The following GALNT8 variants were observed in gnomAD, a reference collection of about 807,000 sequenced individuals.
The protein encoded by GALNT8 is probable polypeptide N-acetylgalactosaminyltransferase 8.
Under a neutral mutation model 62.7 loss-of-function variants are expected in GALNT8, and 66 were observed. The ratio of observed to expected loss-of-function variants is 1.05; its 90% CI spans 0.86 to 1.29. The LOEUF (loss-of-function observed/expected upper bound fraction) is 1.29. GALNT8 is among the 50% of genes most tolerant of loss of function. GALNT8 has a pLI of 0.00. For synonymous variants in GALNT8, 288 were observed against 294.3 expected (o/e 0.98, Z 0.22); for missense variants, 771 against 791.8 (o/e 0.97, Z 0.32).
At chr12:4,742,891 G>A (rs746088786) in intron 3 of GALNT8, among the ~76,000 whole-genome samples, 11 of 152,288 alleles carry the variant, frequency 7.2e-5, no homozygotes, top group Non-Finnish European at 1.3e-4. Context: ...AAAACCCGTC[G>A]AGGCGTCCTT....
rs1404699755 is a variant in GALNT8, at chr12:4,749,970, C to T, written c.1173+3712C>T. Among the ~76,000 whole-genome samples, 2 of 152,024 alleles carry T rather than the reference C, an allele frequency of 1.3e-5. No individual in the cohort carries two copies. Among genetic ancestry groups the T allele is most frequent in the African/African-American group, 4.8e-5 (2 of 41,408 alleles). Reference sequence around the variant, plus strand: ...GTTGGCATACAGTTGCTTATAGGAGCTGTTAGTGTTCCTTTAAATTTATGC... The same window carrying T: ...GTTGGCATACAGTTGCTTATAGGAGTTGTTAGTGTTCCTTTAAATTTATGC... On this transcript the variant is annotated intron_variant, in intron 6 of 10. Coordinates refer to ENST00000252318, the MANE Select transcript of GALNT8 (RefSeq NM_017417.2). The surrounding 1 kb of genome is among the most constrained non-coding windows in gnomAD (Gnocchi z 4.1).
At chr12:4,725,553 CTTTT>C (rs747460695) in intron 1 of GALNT8, among the ~76,000 whole-genome samples, 1 of 119,694 alleles carries the variant, frequency 8.4e-6, no homozygotes, top group African/African-American at 3.2e-5. Flanking sequence ...TGAAGACATT[CTTTT>C]TTTTTTTTTT....
Position 4,720,794 on chromosome 12 carries a change from T to C in GALNT8, c.117T>C (p.Gly39=). 1 of 1,611,560 alleles carries C rather than the reference T, an allele frequency of 6.2e-7. No individual in the cohort carries two copies. The highest frequency in any genetic ancestry group is 8.5e-7 in the Non-Finnish European group (1 of 1,177,726). The part of the protein sequence containing the change: ...SKGTLQNLFT[G]GLHRELPLHL... ...GGACTTTACAAAACCTGTTTACGGG[T>C]GGTCTCCACAGGGAGCTTCCTTTAC... Residue 39 remains glycine (G), a synonymous_variant, in exon 1 of 11, where the codon GGT becomes GGC. Coordinates refer to ENST00000252318, the MANE Select transcript of GALNT8 (RefSeq NM_017417.2).
In GALNT8 at chr12:4,720,578, A is replaced by T. The variant is rs1946161426; in HGVS notation, c.-100A>T. ...GGAGACCAACTCAACTGGCACCTAG[A>T]ACTCTCTTTCCCACAAAAGCTAGGC... On this transcript the variant is annotated 5_prime_UTR_variant, in exon 1 of 11. Transcript: ENST00000252318. 3 of 823,726 alleles carry T rather than the reference A, an allele frequency of 3.6e-6. No homozygotes were observed. In the East Asian group the frequency reaches 7.4e-5, roughly 20 times the overall value. 51.0% of individuals were successfully genotyped at this position (823,726 alleles called of 1,614,324 possible).
chr12:4,729,244 A>T (rs1946210030), intron 2 of GALNT8, among the ~76,000 whole-genome samples: 1 of 152,200 alleles, frequency 6.6e-6, no homozygotes, highest in African/African-American at 2.4e-5. Flanking sequence ...ATCTAAATTA[A>T]CATATGCATT....
chr12:4,720,589 C>G lies in GALNT8; in HGVS notation c.-89C>G. 1.1e-6 allele frequency: 1 copy of G among 895,886 alleles called. No individual in the cohort carries two copies. The highest frequency in any genetic ancestry group is 1.9e-6 in the Non-Finnish European group (1 of 535,272). The allele number at this position is 895,886 out of a possible 1,614,324, so 55.5% of individuals were successfully genotyped here. A position where few individuals can be genotyped will look rare whatever the true frequency, so the allele number is the denominator to read the frequency against. ...CAACTGGCACCTAGAACTCTCTTTC[C>G]CACAAAAGCTAGGCTGGTTCTGATT... On this transcript the variant is annotated 5_prime_UTR_variant, in exon 1 of 11. Coordinates refer to ENST00000252318, the MANE Select transcript of GALNT8 (RefSeq NM_017417.2).
intron 2 of GALNT8, among the ~76,000 whole-genome samples, chr12:4,729,741 T>C (rs1295258199): frequency 2.0e-5 from 3 of 152,194 alleles, no homozygotes; most frequent in Non-Finnish European, 2.9e-5. Flanking sequence ...TGTGGAGATA[T>C]ACCCAGTATA....
At chr12:4,767,216 T>G (rs1002307325) in intron 10 of GALNT8, among the ~76,000 whole-genome samples, 4 of 152,126 alleles carry the variant, frequency 2.6e-5, no homozygotes, top group African/African-American at 7.2e-5. Flanking sequence ...TTCCTCTAAT[T>G]GCTCTCAGGG....
intron 10 of GALNT8, among the ~76,000 whole-genome samples, chr12:4,768,145 G>A (rs1252324438): frequency 6.6e-6 from 1 of 152,104 alleles, no homozygotes; most frequent in Non-Finnish European, 1.5e-5. Context: ...TATAAAGTCA[G>A]TAAAATTTCA....
chr12:4,726,866 G>C lies in GALNT8; in HGVS notation c.509+37G>C. On this transcript the variant is annotated intron_variant, in intron 2 of 10. Transcript: ENST00000252318. The surrounding 1 kb of genome is among the most constrained non-coding windows in gnomAD (Gnocchi z 4.1). ...CAGGCTTGGGCTTCTAGGGTCCTCA[G>C]TTTGATTTGAGGATGAGCTTTGGGA... 1.3e-6 allele frequency: 2 copies of C among 1,545,262 alleles called. No homozygotes were observed. The highest frequency in any genetic ancestry group is 1.8e-5 in the Admixed American group (1 of 54,818).
At chr12:4,764,566 CAG>C (rs1349441693) in intron 9 of GALNT8, among the ~76,000 whole-genome samples, 4 of 106,714 alleles carry the variant, frequency 3.7e-5, no homozygotes, top group African/African-American at 1.5e-4. Flanking sequence ...TTTTTTGAGA[CAG>C]AGTCTCGATC....
chr12:4,722,164 C>A (rs1946173842), intron 1 of GALNT8, among the ~76,000 whole-genome samples: 1 of 152,164 alleles, frequency 6.6e-6, no homozygotes, highest in Non-Finnish European at 1.5e-5. Context: ...TCTACACAGA[C>A]ACAGTAACAA....
intron 10 of GALNT8, among the ~76,000 whole-genome samples, chr12:4,767,583 G>A (rs1009434601): frequency 1.6e-4 from 25 of 152,194 alleles, no homozygotes; most frequent in African/African-American, 6.0e-4. Flanking sequence ...AGCAAGGGGA[G>A]GACTTACTAA....
intron 2 of GALNT8, among the ~76,000 whole-genome samples, chr12:4,734,207 G>A (rs955789509): frequency 3.3e-5 from 5 of 152,234 alleles, no homozygotes; most frequent in Admixed American, 1.3e-4. Context: ...TTATAAATAA[G>A]GAAAGGAAGA....
At position 4,765,349 on chromosome 12, in the gene GALNT8, C is replaced by G. The variant is rs111307035; in HGVS notation, c.1594-30C>G. 1.2e-3 allele frequency: 1,690 copies of G among 1,450,246 alleles called. 19 individuals are homozygous for G. The African/African-American group carries it at 0.024, about 21-fold the overall frequency. 89.8% of individuals were successfully genotyped at this position (1,450,246 alleles called of 1,614,324 possible). A position where few individuals can be genotyped will look rare whatever the true frequency, so the allele number is the denominator to read the frequency against. On this transcript the variant is annotated intron_variant, in intron 9 of 10. Transcript: ENST00000252318. The stretch of plus-strand genomic sequence containing the variant: ...GCTGACAATGCCTATGGTGAGCCCT[C>G]TGCTTTTTTTTTTTTTTTTTTTTTT...
Position 4,739,327 on chromosome 12 carries a change from A to G in GALNT8, c.674A>G (p.Asn225Ser), listed in dbSNP as rs1946260496. 2 of 1,611,466 alleles carry G rather than the reference A, an allele frequency of 1.2e-6. No individual in the cohort carries two copies. Among genetic ancestry groups the G allele is most frequent in the Non-Finnish European group, 8.5e-7 (1 of 1,178,214 alleles). The change falls in exon 3 of 11, where the codon AAT becomes AGT. Residue 225 changes from asparagine (N) to serine (S), a missense_variant and splice_region_variant. Physicochemically the swap from Asn to Ser is conservative, Grantham distance 46. Transcript: ENST00000252318. ...EIILVDDFSS[N>S]GELKVHLDEK... Reference sequence around the variant, plus strand: ...ATCTTGGTGGATGATTTCAGCTCAAATGGTGAGCAACGTGATCAAAGAATA... The same window carrying G: ...ATCTTGGTGGATGATTTCAGCTCAAGTGGTGAGCAACGTGATCAAAGAATA...
chr12:4,745,659 G>A, intron 5 of GALNT8, 33 bp downstream of exon 5: 1 of 1,497,018 alleles, frequency 6.7e-7, no homozygotes, highest in Non-Finnish European at 9.3e-7. Flanking sequence ...AACTTGAGTA[G>A]CATGTGGGAA....
chr12:4,736,939 C>T (rs1946248029), intron 2 of GALNT8, among the ~76,000 whole-genome samples: 1 of 152,184 alleles, frequency 6.6e-6, no homozygotes, highest in Admixed American at 6.5e-5. Flanking sequence ...ATTCAAAGCA[C>T]TAAAGTTAGC....
chr12:4,731,050 A>G lies in GALNT8; in HGVS notation c.509+4221A>G, dbSNP rs547300977. ...TTTTTAGTAGAGACGGGGTTTCACC[A>G]TGGTCTCTATCTCCTGACCTTGTGA... On this transcript the variant is annotated intron_variant, in intron 2 of 10. Coordinates refer to ENST00000252318, the MANE Select transcript of GALNT8 (RefSeq NM_017417.2). 2.1e-4 allele frequency among the ~76,000 whole-genome samples: 32 copies of G among 151,810 alleles called. No homozygotes were observed. The East Asian group carries it at 5.8e-3, about 28-fold the overall frequency.
Sources: gnomAD v4.1 joint callset for allele counts (sites outside exome capture counted in the v4.1 genomes callset) on GRCh38, gnomAD v4.1.1 for gene constraint, Gnocchi (gnomAD v3.1) non-coding constraint, MANE v1.5 for transcripts, NCBI Gene and HGNC (gene_info 2026-07-23, HGNC 2026-07-21) for gene names.